Variants in ACOXL observed in about 807,000 individuals in gnomAD.
ACOXL encodes the protein acyl-coenzyme A oxidase-like protein.
A neutral mutation model predicts 71.9 loss-of-function variants in ACOXL; 70 were observed. The observed-to-expected ratio is 0.97, with a 90% CI of 0.80 to 1.19. ACOXL has a LOEUF of 1.19. Ranked by LOEUF, ACOXL falls within the 50% of genes most tolerant of loss-of-function variation. ACOXL has a pLI of 0.00. For synonymous variants in ACOXL, 253 were observed against 281.6 expected (o/e 0.90, Z 1.02); for missense variants, 703 against 736.3 (o/e 0.95, Z 0.52).
chr2:111,099,099 C>T (rs140002045), intron 17 of ACOXL: 2 of 152,156 alleles, frequency 1.3e-5, no homozygotes, highest in Non-Finnish European at 2.9e-5. Flanking sequence ...TTGTAGTCCT[C>T]CTTGTTCCTT....
At chr2:111,078,478 G>A (rs796340600) in intron 16 of ACOXL, among the ~76,000 whole-genome samples, 3 of 152,178 alleles carry the variant, frequency 2.0e-5, no homozygotes, top group South Asian at 2.1e-4. Context: ...TGGCCAGGCT[G>A]GTCTTGAACT....
intron 1 of ACOXL, among the ~76,000 whole-genome samples, chr2:110,758,537 T>G (rs1379509805): frequency 6.6e-6 from 1 of 152,224 alleles, no homozygotes; most frequent in African/African-American, 2.4e-5. Flanking sequence ...TGATATCCCC[T>G]TTATCATTTC....
rs774772761 is a variant in ACOXL, at chr2:110,963,596, TGTGTG to T, written c.1060-23511_1060-23507del. On this transcript the variant is annotated intron_variant, in intron 12 of 17. Transcript: ENST00000439055. ...GTGTGTGTGTGTGTGTGTGTGTGTG[TGTGTG>T]TGTTTTTCTCTTTCTGCAACAGGGT... 37 of 1,583,206 alleles carry T rather than the reference TGTGTG, an allele frequency of 2.3e-5. No homozygotes were observed. In the African/African-American group the frequency reaches 5.6e-4, roughly 24 times the overall value.
chr2:110,839,926 G>A (rs1205176380), intron 9 of ACOXL, among the ~76,000 whole-genome samples: 2 of 151,922 alleles, frequency 1.3e-5, no homozygotes, highest in East Asian at 1.9e-4. Flanking sequence ...AGCTTAAGGT[G>A]CAACTTAGAC....
chr2:110,877,459 A>G (rs1696068626), intron 10 of ACOXL, among the ~76,000 whole-genome samples: 1 of 152,232 alleles, frequency 6.6e-6, no homozygotes. Flanking sequence ...TTGGTTTAAC[A>G]AGAAATCACA....
intron 12 of ACOXL, among the ~76,000 whole-genome samples, chr2:110,947,229 C>G (rs1269668058): frequency 6.6e-6 from 1 of 152,222 alleles, no homozygotes; most frequent in African/African-American, 2.4e-5. Context: ...CAACCAAGTT[C>G]TTCAGACTGT....
intron 2 of ACOXL, among the ~76,000 whole-genome samples, chr2:110,775,596 T>C (rs1401075080): frequency 6.6e-6 from 1 of 152,078 alleles, no homozygotes; most frequent in Non-Finnish European, 1.5e-5. Flanking sequence ...GTTGAAGATA[T>C]AGTTCTTCAA....
chr2:110,784,158 A>G (rs1000404747), intron 2 of ACOXL, among the ~76,000 whole-genome samples: 1 of 152,128 alleles, frequency 6.6e-6, no homozygotes, highest in Non-Finnish European at 1.5e-5. Flanking sequence ...ACCATGGCGC[A>G]TGCCTGTAGT....
At chr2:110,854,494 G>C (rs1252433206) in intron 10 of ACOXL, among the ~76,000 whole-genome samples, 3 of 152,064 alleles carry the variant, frequency 2.0e-5, no homozygotes, top group Non-Finnish European at 4.4e-5. Flanking sequence ...TCAGAGCCTT[G>C]ATTCAGCCCC....
At chr2:110,938,895 A>G (rs984949387) in intron 12 of ACOXL, among the ~76,000 whole-genome samples, 2 of 152,032 alleles carry the variant, frequency 1.3e-5, no homozygotes, top group East Asian at 3.8e-4. Flanking sequence ...GAGAAAGAAC[A>G]CTGTATTGCC....
chr2:110,860,523 T>C (rs1005509760), intron 10 of ACOXL, among the ~76,000 whole-genome samples: 4 of 152,208 alleles, frequency 2.6e-5, no homozygotes, highest in African/African-American at 9.6e-5. Flanking sequence ...CATTTGGACC[T>C]TTTCGGAGTG....
intron 17 of ACOXL, among the ~76,000 whole-genome samples, chr2:111,097,779 T>G (rs1210212032): frequency 1.3e-5 from 2 of 152,178 alleles, no homozygotes; most frequent in African/African-American, 4.8e-5. Flanking sequence ...ATATAGTAAT[T>G]AAGCCCAAGT....
At chr2:110,871,507 A>G (rs999516471) in intron 10 of ACOXL, among the ~76,000 whole-genome samples, 1 of 152,088 alleles carries the variant, frequency 6.6e-6, no homozygotes, top group Non-Finnish European at 1.5e-5. Flanking sequence ...GGGACTGCAG[A>G]TTTCATTCAT....
At chr2:110,798,564 T>G in intron 5 of ACOXL, 46 bp from the exon 6 acceptor site, 1 of 1,507,442 alleles carries the variant, frequency 6.6e-7, no homozygotes, top group Non-Finnish European at 9.2e-7. Flanking sequence ...GGAGTTGAAA[T>G]GAGCCATGGG....
chr2:110,988,089 G>T (rs2063012851), intron 13 of ACOXL, among the ~76,000 whole-genome samples: 1 of 152,168 alleles, frequency 6.6e-6, no homozygotes, highest in Non-Finnish European at 1.5e-5. Flanking sequence ...TTTATTACTA[G>T]TGATGCTCTC....
Position 110,831,008 on chromosome 2 carries a change from A to G in ACOXL, c.754-10363A>G, listed in dbSNP as rs532453995. On this transcript the variant is annotated intron_variant, in intron 9 of 17. Coordinates refer to ENST00000439055, the MANE Select transcript of ACOXL (RefSeq NM_001142807.4). ...CTCAACTTCATAAAGAACATCTACA[A>G]AAAACCTACAGGTAACATTATATTT... 8.7e-4 allele frequency among the ~76,000 whole-genome samples: 133 copies of G among 152,348 alleles called. 1 individual carries two copies. The highest frequency in any genetic ancestry group is 8.3e-4 in the South Asian group (4 of 4,828).
At chr2:111,110,774 T>G (rs1445312277) in intron 17 of ACOXL, among the ~76,000 whole-genome samples, 1 of 152,222 alleles carries the variant, frequency 6.6e-6, no homozygotes, top group African/African-American at 2.4e-5. Flanking sequence ...CCATAAAACA[T>G]CTGATTTTTA....
intron 10 of ACOXL, among the ~76,000 whole-genome samples, chr2:110,862,584 C>A (rs780859257): frequency 6.6e-6 from 1 of 152,176 alleles, no homozygotes; most frequent in Admixed American, 6.5e-5. Flanking sequence ...CTAGCTGAGA[C>A]GCAGAGGTTG....
At chr2:111,092,558 G>C (rs1048471739) in intron 16 of ACOXL, among the ~76,000 whole-genome samples, 8 of 152,118 alleles carry the variant, frequency 5.3e-5, no homozygotes, top group South Asian at 2.1e-4. Context: ...AGGAGAACCA[G>C]GTAGGTTACA....
Sources: allele counts gnomAD v4.1 joint callset (sites outside exome capture counted in the v4.1 genomes callset), GRCh38; gene constraint gnomAD v4.1.1; transcripts MANE v1.5; gene names NCBI Gene and HGNC (gene_info 2026-07-23, HGNC 2026-07-21).